Variants in KCNIP1 observed in about 807,000 individuals in gnomAD.
KCNIP1 encodes A-type potassium channel modulatory protein KCNIP1.
A neutral mutation model predicts 33.0 loss-of-function variants in KCNIP1; 18 were observed. The observed-to-expected ratio is 0.55, with a 90% confidence interval of 0.38 to 0.81. KCNIP1 has a LOEUF of 0.81. Among genes scored for constraint, KCNIP1 ranks in the 30% least tolerant of loss-of-function variants. KCNIP1 has a pLI of 0.00. For missense variants in KCNIP1, 238 were observed against 271.6 expected, an observed-to-expected ratio of 0.88 and a Z score of 0.87; for synonymous variants, 93 against 98.3, an observed-to-expected ratio of 0.95 and a Z score of 0.32.
intron 1 of KCNIP1, among the ~76,000 whole-genome samples, chr5:170,583,640 A>G (rs539818154): frequency 6.6e-6 from 1 of 152,292 alleles, no homozygotes; most frequent in African/African-American, 2.4e-5. Flanking sequence ...AATGATCTTC[A>G]GAGTTTAGGC....
chr5:170,433,114 C>G (rs1412225393), intron 1 of KCNIP1, among the ~76,000 whole-genome samples: 1 of 152,150 alleles, frequency 6.6e-6, no homozygotes, highest in Non-Finnish European at 1.5e-5. Context: ...AAGAAAGTAT[C>G]GTGACCTGAT....
chr5:170,434,720 C>G (rs1265140530), intron 1 of KCNIP1, among the ~76,000 whole-genome samples: 1 of 152,048 alleles, frequency 6.6e-6, no homozygotes, highest in Admixed American at 6.6e-5. Flanking sequence ...TTTGGGAGGC[C>G]GAGGCGGATG....
At chr5:170,663,141 A>G (rs1761563049) in intron 1 of KCNIP1, among the ~76,000 whole-genome samples, 1 of 152,180 alleles carries the variant, frequency 6.6e-6, no homozygotes, top group Non-Finnish European at 1.5e-5. Flanking sequence ...TGATCCTCTC[A>G]ACGACTCCCA....
At chr5:170,699,890 A>G (rs1332249527) in intron 1 of KCNIP1, among the ~76,000 whole-genome samples, 1 of 152,224 alleles carries the variant, frequency 6.6e-6, no homozygotes, top group African/African-American at 2.4e-5. Flanking sequence ...CTGGCCCCAC[A>G]GAGCCATCCT....
chr5:170,484,926 T>C (rs899111177), intron 1 of KCNIP1, among the ~76,000 whole-genome samples: 7 of 140,402 alleles, frequency 5.0e-5, no homozygotes, highest in Admixed American at 7.6e-5. Context: ...TTTCTTTTTT[T>C]TGTTTTTTCT....
chr5:170,618,619 A>G (rs1276271088), intron 1 of KCNIP1, among the ~76,000 whole-genome samples: 1 of 150,914 alleles, frequency 6.6e-6, no homozygotes, highest in Non-Finnish European at 1.5e-5. Flanking sequence ...ATGAAGGGCA[A>G]TGTAACTGAG....
intron 1 of KCNIP1, among the ~76,000 whole-genome samples, chr5:170,610,319 C>T (rs991182656): frequency 5.9e-5 from 9 of 152,220 alleles, no homozygotes; most frequent in African/African-American, 2.2e-4. Flanking sequence ...ATTATATTGA[C>T]CAAATCCCCA....
In KCNIP1 at chr5:170,735,744, C is replaced by T; in HGVS notation, c.604-15C>T. The T allele has an allele frequency of 6.2e-7, 1 of 1,613,428 alleles. No individual in the cohort carries two copies. Among genetic ancestry groups the T allele is most frequent in the Non-Finnish European group, 8.5e-7 (1 of 1,179,400 alleles). On this transcript the variant is annotated splice_polypyrimidine_tract_variant and intron_variant, in intron 7 of 7. Transcript: ENST00000328939. ...GACTCAGAGTTCTAACCCTCTTGCC[C>T]TCCTTTTTTCCCAGGACGACAACAT...
At chr5:170,724,880 A>G (rs1487717366) in intron 5 of KCNIP1, among the ~76,000 whole-genome samples, 2 of 152,244 alleles carry the variant, frequency 1.3e-5, no homozygotes, top group South Asian at 2.1e-4. Flanking sequence ...TATAGTTAAG[A>G]TGTGGATTCT....
chr5:170,698,124 G>C (rs1762961508), intron 1 of KCNIP1, among the ~76,000 whole-genome samples: 1 of 152,202 alleles, frequency 6.6e-6, no homozygotes, highest in Non-Finnish European at 1.5e-5. Context: ...CCAGGACCTA[G>C]AAGAGGGGGC....
rs528522262 is a variant in KCNIP1 at position 170,353,595 on chromosome 5, G to A, written c.-282G>A. On this transcript the variant is annotated 5_prime_UTR_variant, in exon 1 of 8. Transcript: ENST00000377360. ...TTGGAGTACCTTGTGCCCCGGCAGT[G>A]CTGTCCCGGCCCTGGCATCCTGAGG... is the stretch of plus-strand genomic sequence containing the variant. 104 of 530,286 alleles carry A rather than the reference G, an allele frequency of 2.0e-4. No individual in the cohort carries two copies. In the South Asian group the frequency reaches 2.3e-3, roughly 12 times the overall value. 32.8% of individuals were successfully genotyped at this position (530,286 alleles called of 1,614,324 possible). A position where few individuals can be genotyped will look rare whatever the true frequency, so the allele number is the denominator to read the frequency against.
intron 1 of KCNIP1, among the ~76,000 whole-genome samples, chr5:170,547,586 C>T (rs76553774): frequency 0.031 from 4,667 of 152,272 alleles, 82 homozygotes; most frequent in East Asian, 0.085. Flanking sequence ...CTTGTGTTCT[C>T]ATCATTTAGC....
intron 1 of KCNIP1, among the ~76,000 whole-genome samples, chr5:170,364,024 A>G (rs1184941510): frequency 7.0e-6 from 1 of 142,026 alleles, no homozygotes. Flanking sequence ...TTTTTGAGAT[A>G]GGGTCTCACT....
At chr5:170,558,269 A>G (rs964606756) in intron 1 of KCNIP1, among the ~76,000 whole-genome samples, 3 of 152,244 alleles carry the variant, frequency 2.0e-5, no homozygotes, top group Non-Finnish European at 4.4e-5. Flanking sequence ...CCGTAATTAC[A>G]TCAAGTGCCT....
upstream of KCNIP1, among the ~76,000 whole-genome samples, chr5:170,503,724 T>TCTCACACACA (rs1554096903): frequency 7.3e-6 from 1 of 136,472 alleles, no homozygotes; most frequent in African/African-American, 2.7e-5. Context: ...CGCACGCACA[T>TCTCACACACA]CACACACACA....
intron 1 of KCNIP1, among the ~76,000 whole-genome samples, chr5:170,658,705 G>A (rs1339553042): frequency 6.6e-6 from 1 of 152,126 alleles, no homozygotes; most frequent in Non-Finnish European, 1.5e-5. Flanking sequence ...CAGCATCCAG[G>A]CCACAGCAAA....
intron 1 of KCNIP1, among the ~76,000 whole-genome samples, chr5:170,416,582 A>C (rs1011680658): frequency 6.6e-6 from 1 of 151,866 alleles, no homozygotes; most frequent in Non-Finnish European, 1.5e-5. Context: ...AAAAAGCTAC[A>C]TTTCTGCATT....
intron 5 of KCNIP1, among the ~76,000 whole-genome samples, chr5:170,729,779 T>G (rs986525890): frequency 6.6e-6 from 1 of 152,142 alleles, no homozygotes; most frequent in Non-Finnish European, 1.5e-5. Flanking sequence ...GAAAGTGTTC[T>G]GATAATAAAC....
chr5:170,440,222 C>T (rs564901843), intron 1 of KCNIP1, among the ~76,000 whole-genome samples: 2 of 152,272 alleles, frequency 1.3e-5, no homozygotes, highest in South Asian at 2.1e-4. Context: ...CTCAGACTTC[C>T]GGGCTCCAGC....
Sources: allele counts gnomAD v4.1 joint callset (sites outside exome capture counted in the v4.1 genomes callset), GRCh38; gene constraint gnomAD v4.1.1; transcripts MANE v1.5; gene names NCBI Gene and HGNC (gene_info 2026-07-23, HGNC 2026-07-21).